The following SETX variants were observed in gnomAD, a reference collection of about 807,000 sequenced individuals.
The protein encoded by SETX is helicase senataxin.
A neutral mutation model predicts 227.2 loss-of-function variants in SETX; 90 were observed. The observed-to-expected ratio is 0.40, with a 90% confidence interval of 0.33 to 0.47. SETX has a LOEUF of 0.47. SETX is among the 20% of genes least tolerant of loss of function. SETX has a pLI of 0.91. For synonymous variants in SETX, 1,210 were observed against 1,113.2 expected (o/e 1.09, Z -1.73); for missense variants, 3,052 against 3,181.5 (o/e 0.96, Z 0.98).
chr9:132,341,608 G>C (rs1021853011), intron 5 of SETX, among the ~76,000 whole-genome samples: 1 of 152,122 alleles, frequency 6.6e-6, no homozygotes. Context: ...CAAGTGCTTC[G>C]CCCAGGCACT....
intron 1 of SETX, 39 bp downstream of exon 1, chr9:132,354,878 C>A (rs1465064557): frequency 1.3e-5 from 2 of 152,716 alleles, no homozygotes; most frequent in Non-Finnish European, 2.9e-5. Context: ...GCGCTCACGC[C>A]CGCCCGACCT....
At chr9:132,337,382 T>C (rs1847691218) in intron 5 of SETX, among the ~76,000 whole-genome samples, 1 of 150,738 alleles carries the variant, frequency 6.6e-6, no homozygotes, top group African/African-American at 2.4e-5. Context: ...CATAAAGAAG[T>C]GATTTTAAAT....
rs1846788481 is a variant in SETX, at chr9:132,326,616, GGAT to G, written c.4979_4981del (p.His1660del). 6.2e-7 allele frequency: 1 copy of G among 1,614,214 alleles called. No homozygotes were observed. The highest frequency in any genetic ancestry group is 8.5e-7 in the Non-Finnish European group (1 of 1,180,042). Reference sequence around the variant, plus strand: ...CCTGTTGGAATTATTCGGAGACTGAGGATGAAGAACATTGCACGAATTCTTCAT... The same window carrying G: ...CCTGTTGGAATTATTCGGAGACTGAGGAAGAACATTGCACGAATTCTTCAT... On this transcript the variant is annotated inframe_deletion, in exon 10 of 26. Coordinates refer to ENST00000224140, the MANE Select transcript of SETX (RefSeq NM_015046.7).
At chr9:132,294,176 T>C (rs903108214) in intron 15 of SETX, among the ~76,000 whole-genome samples, 7 of 152,172 alleles carry the variant, frequency 4.6e-5, no homozygotes, top group African/African-American at 1.7e-4. Context: ...AACTGTACAC[T>C]GCACAGGGAC....
At chr9:132,349,799 C>T (rs945470706) in intron 2 of SETX, among the ~76,000 whole-genome samples, 7 of 152,162 alleles carry the variant, frequency 4.6e-5, no homozygotes, top group African/African-American at 1.7e-4. Context: ...AAGTTACCAA[C>T]TACAAACTTA....
intron 4 of SETX, among the ~76,000 whole-genome samples, chr9:132,344,487 T>C (rs1354278012): frequency 6.6e-6 from 1 of 152,162 alleles, no homozygotes; most frequent in Non-Finnish European, 1.5e-5. Flanking sequence ...CCAAATGCAA[T>C]GTGTGGTCCC....
intron 15 of SETX, among the ~76,000 whole-genome samples, chr9:132,292,415 C>CGAAA (rs1844382635): frequency 1.6e-5 from 1 of 61,092 alleles, no homozygotes; most frequent in Non-Finnish European, 4.1e-5. Context: ...AGCTGGGGTA[C>CGAAA]AAAAAAAAAA....
chr9:132,273,077 G>A (rs1179103930), intron 23 of SETX, among the ~76,000 whole-genome samples: 1 of 150,148 alleles, frequency 6.7e-6, no homozygotes, highest in Non-Finnish European at 1.5e-5. Context: ...TACTAAAAAT[G>A]AAAAAACACA....
chr9:132,348,373 C>CAAAAAAAA (rs11376483), intron 3 of SETX, among the ~76,000 whole-genome samples: 2 of 122,434 alleles, frequency 1.6e-5, no homozygotes, highest in Non-Finnish European at 3.3e-5. Flanking sequence ...AAAAAAAAAA[C>CAAAAAAAA]AAAACAAAAA....
chr9:132,286,288 C>A lies in SETX; in HGVS notation c.6396+135G>T. 2.9e-6 allele frequency: 2 copies of A among 680,616 alleles called. 1 individual carries two copies. Among genetic ancestry groups the A allele is most frequent in the Admixed American group, 5.7e-5 (2 of 34,818 alleles). The allele number at this position is 680,616 out of a possible 1,614,324, so 42.2% of individuals were successfully genotyped here. ...TGAGCTGAGATCATGCCACTGCACC[C>A]CAGCCTGAGAGACAGAGTGAGACTC... On this transcript the variant is annotated intron_variant, in intron 18 of 25. Transcript: ENST00000224140.
intron 23 of SETX, 82 bp downstream of exon 23, chr9:132,275,174 A>C: frequency 6.8e-7 from 1 of 1,465,626 alleles, no homozygotes; most frequent in Non-Finnish European, 9.5e-7. Context: ...ACTCCTTAAG[A>C]GTTTCCCTTT....
At chr9:132,325,088 G>A (rs1490655238) in intron 10 of SETX, among the ~76,000 whole-genome samples, 1 of 152,224 alleles carries the variant, frequency 6.6e-6, no homozygotes, top group Non-Finnish European at 1.5e-5. Flanking sequence ...CAGACGCAGT[G>A]GCTCACGCCT....
Position 132,277,027 on chromosome 9 carries a change from C to T in SETX, c.6935+33G>A, listed in dbSNP as rs1422679401. The T allele has an allele frequency of 5.2e-6, 8 of 1,527,674 alleles. No individual in the cohort carries two copies. In the South Asian group the frequency reaches 6.7e-5, roughly 13 times the overall value. The allele number at this position is 1,527,674 out of a possible 1,614,324, so 94.6% of individuals were successfully genotyped here. A position where few individuals can be genotyped will look rare whatever the true frequency, so the allele number is the denominator to read the frequency against. On this transcript the variant is annotated intron_variant, in intron 22 of 25. Coordinates refer to ENST00000224140, the MANE Select transcript of SETX (RefSeq NM_015046.7). ...TGCAAATCATGTAACAATTCTGGGA[C>T]TATCAGAGGACTGAGGCAAGAGGAA...
intron 24 of SETX, 127 bp from the exon 25 acceptor site, chr9:132,269,829 G>C (rs1456494903): frequency 1.1e-6 from 1 of 921,674 alleles, no homozygotes; most frequent in Non-Finnish European, 1.8e-6. Flanking sequence ...GAATGACTCA[G>C]TGAGCCCGAG....
At chr9:132,306,497 C>T (rs1845343085) in intron 11 of SETX, among the ~76,000 whole-genome samples, 2 of 152,166 alleles carry the variant, frequency 1.3e-5, no homozygotes, top group South Asian at 2.1e-4. Context: ...CAGGTGTGAG[C>T]CACTGTGCCC....
intron 5 of SETX, among the ~76,000 whole-genome samples, chr9:132,337,455 C>T (rs1451261664): frequency 7.1e-6 from 1 of 141,288 alleles, no homozygotes; most frequent in Non-Finnish European, 1.5e-5. Context: ...AAAACAAGAA[C>T]AGAAAAATAT....
chr9:132,338,658 A>G (rs1267444476), intron 5 of SETX, among the ~76,000 whole-genome samples: 1 of 152,098 alleles, frequency 6.6e-6, no homozygotes, highest in African/African-American at 2.4e-5. Flanking sequence ...ATTCCTTCAT[A>G]TATTTATTAG....
intron 1 of SETX, among the ~76,000 whole-genome samples, 199 bp downstream of exon 1, chr9:132,354,718 C>T (rs543749897): frequency 2.0e-5 from 3 of 152,058 alleles, no homozygotes; most frequent in Admixed American, 6.5e-5. Context: ...CGCAGGAAGG[C>T]AACAGGCGGC....
At chr9:132,291,582 CT>C (rs1418662975) in intron 15 of SETX, among the ~76,000 whole-genome samples, 1 of 152,168 alleles carries the variant, frequency 6.6e-6, no homozygotes, top group African/African-American at 2.4e-5. Flanking sequence ...ATCCTTTACA[CT>C]GCTGGGTAAG....
Sources: gnomAD v4.1 joint callset for allele counts (sites outside exome capture counted in the v4.1 genomes callset) on GRCh38, gnomAD v4.1.1 for gene constraint, MANE v1.5 for transcripts, NCBI Gene and HGNC (gene_info 2026-07-23, HGNC 2026-07-21) for gene names.